The following ITPR2 variants were observed in gnomAD, a reference collection of about 807,000 sequenced individuals.
The protein encoded by ITPR2 is inositol 1,4,5-trisphosphate-gated calcium channel ITPR2.
ITPR2 carries 207 observed loss-of-function variants against 317.1 expected under a neutral mutation model. The observed-to-expected ratio is 0.65, with a 90% confidence interval of 0.58 to 0.73. The LOEUF is 0.73. Among genes scored for constraint, ITPR2 ranks in the 30% least tolerant of loss-of-function variants. The probability of loss-of-function intolerance (pLI) is 0.00; values close to 1 mark genes in which losing one functional copy is unlikely to be tolerated. For missense variants in ITPR2, 2,613 were observed against 3,284.0 expected, an observed-to-expected ratio of 0.80 and a Z score of 4.99; for synonymous variants, 1,156 against 1,149.1, an observed-to-expected ratio of 1.01 and a Z score of -0.12.
chr12:26,436,974 A>C (rs192652145), intron 47 of ITPR2, among the ~76,000 whole-genome samples: 1 of 152,318 alleles, frequency 6.6e-6, no homozygotes. Context: ...ACTATAATAA[A>C]AACTGTTAAT....
At chr12:26,456,427 G>A (rs1239687542) in intron 45 of ITPR2, among the ~76,000 whole-genome samples, 2 of 152,170 alleles carry the variant, frequency 1.3e-5, no homozygotes, top group African/African-American at 4.8e-5. Context: ...TCCAGGAATT[G>A]CCCAGCCCTT....
At chr12:26,792,955 G>A (rs1176660830) in intron 1 of ITPR2, among the ~76,000 whole-genome samples, 3 of 152,192 alleles carry the variant, frequency 2.0e-5, no homozygotes, top group African/African-American at 7.2e-5. Context: ...GTGCCCCAAC[G>A]AGGGCAGAGT....
Position 26,443,609 on chromosome 12 carries a change from T to C in ITPR2, c.6384A>G (p.Pro2128=). 1 of 1,613,192 alleles carries C rather than the reference T, an allele frequency of 6.2e-7. No homozygotes were observed. Among genetic ancestry groups the C allele is most frequent in the Non-Finnish European group, 8.5e-7 (1 of 1,179,304 alleles). Residue 2128 remains proline (P), a synonymous_variant, in exon 46 of 57, where the codon CCA becomes CCG. Transcript: ENST00000381340. The part of the protein sequence containing the change: ...HNKLLQQMLK[P]GSDPDEGDEA... ...CATCTCCTTCATCTGGATCCGATCC[T>C]GGTTTGAGCATCTGCTGCAACAGTT...
chr12:26,550,143 G>GAT, intron 37 of ITPR2, 104 bp downstream of exon 37: 2 of 547,206 alleles, frequency 3.7e-6, no homozygotes, highest in South Asian at 5.4e-5. Context: ...GCATCATTAA[G>GAT]ATATAATGCA....
chr12:26,376,244 T>G (rs1452910117), intron 55 of ITPR2, among the ~76,000 whole-genome samples: 1 of 152,202 alleles, frequency 6.6e-6, no homozygotes, highest in East Asian at 1.9e-4. Flanking sequence ...CTAAAATATC[T>G]CGAAAATGAA....
At position 26,415,393 on chromosome 12, in the gene ITPR2, C is replaced by T; in HGVS notation, c.7216G>A (p.Val2406Ile). 1.2e-6 allele frequency: 2 copies of T among 1,612,820 alleles called. No individual in the cohort carries two copies. Among genetic ancestry groups the T allele is most frequent in the Non-Finnish European group, 1.7e-6 (2 of 1,179,258 alleles). ...AACCCAATAATGGAAAACAGGTAGACGAGGATGAGAGCCAGGACTGCAGTT... is the reference window on the plus strand; with the variant it reads ...AACCCAATAATGGAAAACAGGTAGATGAGGATGAGAGCCAGGACTGCAGTT... ...ILTAVLALIL[V>I]YLFSIIGFLF... The change falls in exon 51 of 57, where the codon GTC becomes ATC. Residue 2406 changes from valine (V) to isoleucine (I), a missense_variant. Transcript: ENST00000381340.
At chr12:26,358,992 T>C (rs993005509) in intron 55 of ITPR2, among the ~76,000 whole-genome samples, 1 of 152,228 alleles carries the variant, frequency 6.6e-6, no homozygotes, top group African/African-American at 2.4e-5. Flanking sequence ...CCAGCACACT[T>C]TCATCCCTTT....
At chr12:26,572,910 A>C (rs759958126) in intron 34 of ITPR2, among the ~76,000 whole-genome samples, 43 of 152,130 alleles carry the variant, frequency 2.8e-4, no homozygotes, top group Admixed American at 6.5e-4. Context: ...CCATAGTTCT[A>C]GTTTATATGT....
intron 55 of ITPR2, among the ~76,000 whole-genome samples, chr12:26,347,745 G>T (rs753885488): frequency 1.3e-5 from 2 of 152,162 alleles, no homozygotes; most frequent in Non-Finnish European, 2.9e-5. Flanking sequence ...TTCTTCTGGG[G>T]TATGCTAACG....
At chr12:26,590,885 G>T (rs1301460871) in intron 32 of ITPR2, among the ~76,000 whole-genome samples, 1 of 152,006 alleles carries the variant, frequency 6.6e-6, no homozygotes, top group Admixed American at 6.6e-5. Flanking sequence ...TTCAAGACCA[G>T]CCTGGCCAAC....
intron 35 of ITPR2, among the ~76,000 whole-genome samples, chr12:26,561,190 T>C (rs1162614398): frequency 1.3e-5 from 2 of 152,186 alleles, no homozygotes; most frequent in Non-Finnish European, 2.9e-5. Flanking sequence ...GTCCACCATG[T>C]GCAAGCCCAG....
chr12:26,655,297 A>G (rs1947345048), intron 20 of ITPR2, among the ~76,000 whole-genome samples: 2 of 152,198 alleles, frequency 1.3e-5, no homozygotes, highest in Non-Finnish European at 2.9e-5. Context: ...ACTGGACATC[A>G]AAGCACCAAA....
chr12:26,511,522 C>A (rs1465381681), intron 37 of ITPR2, among the ~76,000 whole-genome samples: 1 of 152,208 alleles, frequency 6.6e-6, no homozygotes, highest in African/African-American at 2.4e-5. Context: ...CATTCAATAA[C>A]TTTTTTTGTA....
In ITPR2 at chr12:26,568,009, TA is replaced by T. The variant is rs1462312447; in HGVS notation, c.4631-6058del. On this transcript the variant is annotated intron_variant, in intron 34 of 56. Transcript: ENST00000381340. ...ATATATATATATATTATATATATTA[TA>T]TATATATATATATATATATATAAAA... Among the ~76,000 whole-genome samples, 4 of 5,480 alleles carry T rather than the reference TA, an allele frequency of 7.3e-4. 1 individual carries two copies. The highest frequency in any genetic ancestry group is 3.3e-3 in the Non-Finnish European group (1 of 304). The allele number at this position is 5,480 out of a possible 152,430, so 3.6% of individuals were successfully genotyped here. A position where few individuals can be genotyped will look rare whatever the true frequency, so the allele number is the denominator to read the frequency against.
chr12:26,441,068 T>A (rs1274229819), intron 46 of ITPR2, among the ~76,000 whole-genome samples: 1 of 151,476 alleles, frequency 6.6e-6, no homozygotes, highest in Admixed American at 6.6e-5. Flanking sequence ...GCTCTTCAGA[T>A]GTTAGAGTCA....
At chr12:26,421,333 T>A (rs1379042666) in intron 49 of ITPR2, 65 of 152,202 alleles carry the variant, frequency 4.3e-4, no homozygotes, top group Admixed American at 4.3e-3. Context: ...TTCTCTTCAC[T>A]AAGTCTTGAC....
At chr12:26,421,086 G>C (rs1467213156) in intron 49 of ITPR2, among the ~76,000 whole-genome samples, 1 of 151,920 alleles carries the variant, frequency 6.6e-6, no homozygotes, top group Admixed American at 6.6e-5. Context: ...TAAAAATTAC[G>C]CAGAAAAACT....
Position 26,340,187 on chromosome 12 carries a change from G to A in ITPR2, c.7999C>T (p.Leu2667=), listed in dbSNP as rs561869925. 7.5e-6 allele frequency: 12 copies of A among 1,605,092 alleles called. No individual in the cohort carries two copies. The highest frequency in any genetic ancestry group is 4.5e-5 in the South Asian group (4 of 88,698). The part of the protein sequence containing the change: ...MSLVKQLSGQ[L]AELKEQMTEQ... Reference sequence around the variant, plus strand: ...CCCACCTGCTCCTTGAGCTCCGCCAGCTGACCCGACAGCTGTTTGACCAGA... The same window carrying A: ...CCCACCTGCTCCTTGAGCTCCGCCAACTGACCCGACAGCTGTTTGACCAGA... The change falls in exon 56 of 57, where the codon CTG becomes TTG. Residue 2667 remains leucine, a synonymous_variant. Transcript: ENST00000381340.
At chr12:26,469,280 A>G (rs1942245101) in intron 45 of ITPR2, among the ~76,000 whole-genome samples, 1 of 152,204 alleles carries the variant, frequency 6.6e-6, no homozygotes, top group Non-Finnish European at 1.5e-5. Flanking sequence ...TATAATAAAT[A>G]AGCCTGAGGT....
Sources: allele counts gnomAD v4.1 joint callset (sites outside exome capture counted in the v4.1 genomes callset), GRCh38; gene constraint gnomAD v4.1.1; transcripts MANE v1.5; gene names NCBI Gene and HGNC (gene_info 2026-07-23, HGNC 2026-07-21).